BICRAL: variants seen among roughly 807,000 people sequenced by gnomAD.
The protein encoded by BICRAL is BRD4-interacting chromatin-remodeling complex-associated protein-like.
Under a neutral mutation model 91.8 loss-of-function variants are expected in BICRAL, and 8 were observed. The ratio of observed to expected loss-of-function variants is 0.09; its 90% CI spans 0.05 to 0.16. The LOEUF is 0.16. Ranked by LOEUF, BICRAL falls within the 10% of genes least tolerant of loss-of-function variation. BICRAL has a pLI of 1.00. For missense variants in BICRAL, 1,038 were observed against 1,310.9 expected (o/e 0.79, Z 3.21); for synonymous variants, 445 against 491.1 (o/e 0.91, Z 1.24).
rs191436113 is a variant in BICRAL at position 42,817,172 on chromosome 6, G to A, written c.-5-4846G>A. On this transcript the variant is annotated intron_variant, in intron 2 of 12. Coordinates refer to ENST00000314073, the MANE Select transcript of BICRAL (RefSeq NM_001393499.1). The stretch of plus-strand genomic sequence containing the variant: ...TATGTGTGTGTGTGTGTGTGTGTGT[G>A]TATATATGTGTGTGTGTGTATTTCC... Among the ~76,000 whole-genome samples the A allele has an allele frequency of 0.013, 1,734 of 135,896 alleles. 56 individuals carry two copies. In the East Asian group the frequency reaches 0.14, roughly 11 times the overall value. 89.2% of individuals were successfully genotyped at this position (135,896 alleles called of 152,430 possible).
chr6:42,801,254 A>G (rs1204339334), intron 1 of BICRAL, among the ~76,000 whole-genome samples: 1 of 151,810 alleles, frequency 6.6e-6, no homozygotes, highest in East Asian at 1.9e-4. Context: ...CTGTTTAAAA[A>G]AAAAAAAAAA....
At position 42,855,452 on chromosome 6, in the gene BICRAL, G is replaced by A. The variant is rs187065111; in HGVS notation, c.2047-404G>A. On this transcript the variant is annotated intron_variant, in intron 8 of 12. Transcript: ENST00000314073. ...AGCTACCTGGGAGGCTGAGGTGGGA[G>A]GATCACTTGAGCCTGGGAAGCAGAG... 6.9e-4 allele frequency among the ~76,000 whole-genome samples: 105 copies of A among 152,218 alleles called. 1 individual carries two copies. In the East Asian group the frequency reaches 0.02, roughly 28 times the overall value.
chr6:42,860,050 T>A (rs1478270510), intron 10 of BICRAL, among the ~76,000 whole-genome samples: 2 of 152,156 alleles, frequency 1.3e-5, no homozygotes, highest in African/African-American at 4.8e-5. Flanking sequence ...GAGTTAGTAA[T>A]AAAATGAGTT....
intron 1 of BICRAL, among the ~76,000 whole-genome samples, chr6:42,775,598 A>G (rs1269781559): frequency 6.6e-6 from 1 of 151,872 alleles, no homozygotes; most frequent in East Asian, 1.9e-4. Flanking sequence ...CCCTCAACAT[A>G]TTCTATGGGG....
At chr6:42,788,027 G>C (rs4714627) in intron 1 of BICRAL, among the ~76,000 whole-genome samples, 1 of 151,710 alleles carries the variant, frequency 6.6e-6, no homozygotes, top group Non-Finnish European at 1.5e-5. Flanking sequence ...CTCCTGAGTA[G>C]CTGGGACCAC....
chr6:42,864,793 G>C lies in BICRAL; in HGVS notation c.2587G>C (p.Asp863His). Residue 863 changes from aspartate to histidine, a missense_variant, in exon 13 of 13, where the codon GAC (aspartate) becomes CAC (histidine). By Grantham distance (81) the Asp-to-His change is moderately conservative. Around this residue, in one of 5 missense-constraint regions of BICRAL, gnomAD observed 294 missense variants for 292.6 expected, o/e 1.00. Coordinates refer to ENST00000314073, the MANE Select transcript of BICRAL (RefSeq NM_001393499.1). ...LQPPAKAQGR[D>H]RAKTGVTEPM... ...ACCGCCAGCCAAGGCCCAAGGCAGA[G>C]ACCGAGCCAAAACCGGTGTGACGGA... The C allele has an allele frequency of 1.9e-6, 3 of 1,614,206 alleles. No individual in the cohort carries two copies. The highest frequency in any genetic ancestry group is 2.5e-6 in the Non-Finnish European group (3 of 1,180,036).
intron 1 of BICRAL, among the ~76,000 whole-genome samples, chr6:42,807,395 G>A (rs1303707371): frequency 6.6e-6 from 1 of 151,540 alleles, no homozygotes; most frequent in African/African-American, 2.4e-5. Flanking sequence ...ATGTTAGCCA[G>A]GATGGTCTCG....
chr6:42,840,039 CAAAA>C (rs1453148579), intron 6 of BICRAL, among the ~76,000 whole-genome samples: 1 of 152,130 alleles, frequency 6.6e-6, no homozygotes, highest in Admixed American at 6.6e-5. Context: ...ATCTATCAAA[CAAAA>C]GTAAAGAAAT....
chr6:42,803,125 C>A (rs1434087515), intron 1 of BICRAL, among the ~76,000 whole-genome samples: 1 of 152,094 alleles, frequency 6.6e-6, no homozygotes, highest in Non-Finnish European at 1.5e-5. Flanking sequence ...TTTTAATGAA[C>A]CACAACTATT....
At chr6:42,810,854 C>A (rs1307398457) in intron 2 of BICRAL, among the ~76,000 whole-genome samples, 1 of 152,160 alleles carries the variant, frequency 6.6e-6, no homozygotes, top group East Asian at 1.9e-4. Flanking sequence ...AGGAGCCTTT[C>A]TAATTTCCTA....
At chr6:42,807,636 C>T (rs976700891) in intron 1 of BICRAL, among the ~76,000 whole-genome samples, 2 of 151,360 alleles carry the variant, frequency 1.3e-5, no homozygotes, top group Non-Finnish European at 2.9e-5. Flanking sequence ...GGTGAAACCC[C>T]CATCTCTAAA....
At chr6:42,755,469 T>C (rs1762443943) in intron 1 of BICRAL, among the ~76,000 whole-genome samples, 1 of 152,156 alleles carries the variant, frequency 6.6e-6, no homozygotes, top group African/African-American at 2.4e-5. Flanking sequence ...CCTCACTGCC[T>C]GTCAGCAGAT....
chr6:42,808,195 G>A (rs1056299337), intron 1 of BICRAL, among the ~76,000 whole-genome samples: 32 of 150,498 alleles, frequency 2.1e-4, no homozygotes, highest in African/African-American at 7.1e-4. Context: ...GCAATGGTGC[G>A]ATCTTGGCTC....
At chr6:42,857,550 T>C (rs1378243679) in intron 10 of BICRAL, among the ~76,000 whole-genome samples, 1 of 146,088 alleles carries the variant, frequency 6.8e-6, no homozygotes, top group African/African-American at 2.6e-5. Flanking sequence ...ATCACGCCTG[T>C]AAATAGCCAT....
chr6:42,794,524 G>A (rs1223476895), intron 1 of BICRAL, among the ~76,000 whole-genome samples: 1 of 151,658 alleles, frequency 6.6e-6, no homozygotes, highest in Non-Finnish European at 1.5e-5. Flanking sequence ...CCAAGTAGTT[G>A]AGACTACAGG....
At chr6:42,841,889 A>G (rs955633113) in intron 6 of BICRAL, among the ~76,000 whole-genome samples, 5 of 152,190 alleles carry the variant, frequency 3.3e-5, no homozygotes, top group African/African-American at 4.8e-5. Flanking sequence ...TTAGTTATCT[A>G]TACCACACTG....
chr6:42,859,403 A>AC (rs1355547477), intron 10 of BICRAL, among the ~76,000 whole-genome samples: 13 of 151,510 alleles, frequency 8.6e-5, no homozygotes, highest in African/African-American at 3.1e-4. Context: ...AAAAAAAAAA[A>AC]CCCACAGTGG....
chr6:42,818,753 A>C (rs1292822558), intron 2 of BICRAL, among the ~76,000 whole-genome samples: 3 of 152,112 alleles, frequency 2.0e-5, no homozygotes, highest in African/African-American at 7.2e-5. Flanking sequence ...TTTTTGTGTA[A>C]GATATGAGGT....
intron 1 of BICRAL, among the ~76,000 whole-genome samples, chr6:42,749,881 G>A (rs1462853689): frequency 1.4e-5 from 2 of 147,448 alleles, no homozygotes; most frequent in Non-Finnish European, 3.0e-5. Flanking sequence ...TTGAGATAGA[G>A]TCTCGCTCTG....
Sources: allele counts gnomAD v4.1 joint callset (sites outside exome capture counted in the v4.1 genomes callset), GRCh38; gene constraint gnomAD v4.1.1; regional missense constraint gnomAD v4.1.1; transcripts MANE v1.5; gene names NCBI Gene and HGNC (gene_info 2026-07-23, HGNC 2026-07-21).